TTC21B: variants seen among roughly 807,000 people sequenced by gnomAD.
TTC21B encodes the protein tetratricopeptide repeat domain 21B.
TTC21B carries 127 observed loss-of-function variants against 175.1 expected under a neutral mutation model. The observed-to-expected ratio is 0.73, with a 90% CI of 0.63 to 0.84. TTC21B has a LOEUF of 0.84. TTC21B is among the 40% of genes least tolerant of loss of function. The pLI is 0.00. For missense variants in TTC21B, 1,561 were observed against 1,558.3 expected (o/e 1.00, Z -0.03); for synonymous variants, 524 against 524.5 (o/e 1.00, Z 0.01).
rs1685169149 is a variant in TTC21B, at chr2:165,890,956, G to C, written c.2983C>G (p.Leu995Val). 11 of 1,612,860 alleles carry C rather than the reference G, an allele frequency of 6.8e-6. No individual in the cohort carries two copies. The highest frequency in any genetic ancestry group is 9.3e-6 in the Non-Finnish European group (11 of 1,179,188). Reference protein sequence around the residue: ...NYMTLSRLIDLLRRCGKLEDV... With the variant: ...NYMTLSRLIDVLRRCGKLEDV... Reference sequence around the variant, plus strand: ...TCGAGTTTTCCACATCTTCTTAGGAGATCAATCAAACGAGATAATGTCATA... The same window carrying C: ...TCGAGTTTTCCACATCTTCTTAGGACATCAATCAAACGAGATAATGTCATA... The change falls in exon 23 of 29, where the codon CTC becomes GTC. Residue 995 changes from leucine (L) to valine (V), a missense_variant. Transcript: ENST00000243344.
At position 165,915,216 on chromosome 2, in the gene TTC21B, T is replaced by G; in HGVS notation, c.2123A>C (p.Tyr708Ser). 6.2e-7 allele frequency: 1 copy of G among 1,612,308 alleles called. No individual in the cohort carries two copies. Among genetic ancestry groups the G allele is most frequent in the South Asian group, 1.1e-5 (1 of 91,032 alleles). The change falls in exon 15 of 29, where the codon TAT (tyrosine) becomes TCT (serine). Residue 708 changes from tyrosine (Y) to serine (S), a missense_variant. Physicochemically the swap from Tyr to Ser is moderately radical, Grantham distance 144 (BLOSUM62 -2). Transcript: ENST00000243344. ...YLKHRKDKML[Y>S]ITCFREIAER... ...AATTACTTACCTAAAACAAGTGATA[T>G]ATAACATTTTATCTTTTCTGTGCTT...
chr2:165,900,833 A>C (rs1424026116), intron 20 of TTC21B, among the ~76,000 whole-genome samples: 2 of 152,002 alleles, frequency 1.3e-5, no homozygotes, highest in Non-Finnish European at 2.9e-5. Flanking sequence ...ATATTAAAAC[A>C]ATTTGCAGGT....
At chr2:165,930,111 A>T (rs1355559076) in intron 9 of TTC21B, 61 bp downstream of exon 9, 1 of 1,496,880 alleles carries the variant, frequency 6.7e-7, no homozygotes, top group East Asian at 2.3e-5. Flanking sequence ...TCTAATGGCA[A>T]GTTAAAAGCA....
rs1559078793 is a variant in TTC21B, at chr2:165,949,629, G to C, written c.117C>G (p.Phe39Leu). 2.5e-6 allele frequency: 4 copies of C among 1,613,516 alleles called. No homozygotes were observed. The highest frequency in any genetic ancestry group is 3.4e-6 in the Non-Finnish European group (4 of 1,179,870). Residue 39 changes from phenylalanine (F) to leucine (L), a missense_variant, in exon 2 of 29, where the codon TTC (phenylalanine) becomes TTG (leucine). By Grantham distance (22) the Phe-to-Leu change is conservative (BLOSUM62 0). Coordinates refer to ENST00000243344, the MANE Select transcript of TTC21B (RefSeq NM_024753.5). ...ATGTGCCATAGGCATGATAAAACCTGAAGACTGGATCACTTCCATACCTCT... is the reference window on the plus strand; with the variant it reads ...ATGTGCCATAGGCATGATAAAACCTCAAGACTGGATCACTTCCATACCTCT... Reference protein sequence around the residue: ...GIKRYGSDPVFRFYHAYGTLM... With the variant: ...GIKRYGSDPVLRFYHAYGTLM...
In TTC21B at chr2:165,927,330, TA is replaced by T. The variant is rs1224044561; in HGVS notation, c.1386+1804del. On this transcript the variant is annotated intron_variant, in intron 11 of 28. Transcript: ENST00000243344. Reference sequence around the variant, plus strand: ...TATTATATATTATATAATATATATATAATATATAATATATATATAATATATT... The same window carrying T: ...TATTATATATTATATAATATATATATATATATAATATATATATAATATATT... Among the ~76,000 whole-genome samples, 75 of 90,116 alleles carry T rather than the reference TA, an allele frequency of 8.3e-4. 5 individuals are homozygous for T. Among genetic ancestry groups the T allele is most frequent in the Non-Finnish European group, 8.1e-4 (35 of 43,088 alleles). 59.1% of individuals were successfully genotyped at this position (90,116 alleles called of 152,430 possible).
chr2:165,913,603 G>A lies in TTC21B; in HGVS notation c.2182C>T (p.Leu728Phe). 1 of 1,612,880 alleles carries A rather than the reference G, an allele frequency of 6.2e-7. No individual in the cohort carries two copies. The highest frequency in any genetic ancestry group is 1.1e-5 in the South Asian group (1 of 91,030). The part of the protein sequence containing the change: ...RMANPRSFLL[L>F]GDAYMNILEP... ...AGAATATTCATGTATGCATCACCAAGGAGAAGAAAAGACCGAGGGTTAGCC... is the reference window on the plus strand; with the variant it reads ...AGAATATTCATGTATGCATCACCAAAGAGAAGAAAAGACCGAGGGTTAGCC... The change falls in exon 16 of 29, where the codon CTT becomes TTT. Residue 728 changes from leucine to phenylalanine, a missense_variant. Coordinates refer to ENST00000243344, the MANE Select transcript of TTC21B (RefSeq NM_024753.5).
At position 165,899,781 on chromosome 2, in the gene TTC21B, C is replaced by T. The variant is rs1220895913; in HGVS notation, c.2857G>A (p.Ala953Thr). The T allele has an allele frequency of 6.2e-7, 1 of 1,611,242 alleles. No homozygotes were observed. Among genetic ancestry groups the T allele is most frequent in the Admixed American group, 1.7e-5 (1 of 60,022 alleles). ...LLLQSDQDNE[A>T]ATMMMADLMF... ...TTCCTTGGACTGACCATGGTAGCAG[C>T]TTCGTTATCCTGGTCACTCTGAAGC... The change falls in exon 21 of 29, where the codon GCT becomes ACT. Residue 953 changes from alanine to threonine, a missense_variant. Ala to Thr is a moderately conservative substitution (Grantham distance 58). Transcript: ENST00000243344.
At chr2:165,878,305 C>T (rs980167684) in intron 27 of TTC21B, among the ~76,000 whole-genome samples, 2 of 152,124 alleles carry the variant, frequency 1.3e-5, no homozygotes, top group African/African-American at 4.8e-5. Context: ...TGCAGCTGCA[C>T]TACACCTGCC....
chr2:165,899,290 G>C (rs546765126), intron 21 of TTC21B, among the ~76,000 whole-genome samples: 6 of 152,214 alleles, frequency 3.9e-5, no homozygotes, highest in Admixed American at 2.6e-4. Context: ...CTGTGTAGCT[G>C]TCTGCAAAGC....
chr2:165,940,731 A>T (rs1687332623), intron 6 of TTC21B, among the ~76,000 whole-genome samples: 1 of 152,094 alleles, frequency 6.6e-6, no homozygotes, highest in South Asian at 2.1e-4. Context: ...TACACAATAT[A>T]CTTATTTGGT....
intron 15 of TTC21B, among the ~76,000 whole-genome samples, chr2:165,913,880 C>T (rs1686048780): frequency 6.6e-6 from 1 of 152,092 alleles, no homozygotes; most frequent in African/African-American, 2.4e-5. Context: ...ATGCAGGTAA[C>T]TGAGTTCAGA....
chr2:165,894,845 C>A (rs1045044622), intron 22 of TTC21B, among the ~76,000 whole-genome samples: 1 of 152,134 alleles, frequency 6.6e-6, no homozygotes, highest in African/African-American at 2.4e-5. Flanking sequence ...ATAAAGAACA[C>A]AAATATGCAC....
intron 3 of TTC21B, among the ~76,000 whole-genome samples, chr2:165,946,228 G>C (rs1223682971): frequency 1.3e-5 from 2 of 151,570 alleles, no homozygotes; most frequent in East Asian, 1.9e-4. Flanking sequence ...AGTCCCAGCT[G>C]CTGGGGAGGC....
Position 165,898,218 on chromosome 2 carries a change from C to T in TTC21B, c.2950+468G>A, listed in dbSNP as rs189281798. The stretch of plus-strand genomic sequence containing the variant: ...GAGAGAGAACTGTAAGAGTGAAGCC[C>T]TTTTTTAGGTGAGAAGCTGGCCACA... On this transcript the variant is annotated intron_variant, in intron 22 of 28. Coordinates refer to ENST00000243344, the MANE Select transcript of TTC21B (RefSeq NM_024753.5). Among the ~76,000 whole-genome samples, 5 of 152,090 alleles carry T rather than the reference C, an allele frequency of 3.3e-5. No individual in the cohort carries two copies. The East Asian group carries it at 9.7e-4, about 29-fold the overall frequency.
chr2:165,938,658 C>A (rs1473992867), intron 6 of TTC21B, among the ~76,000 whole-genome samples: 1 of 151,630 alleles, frequency 6.6e-6, no homozygotes, highest in African/African-American at 2.4e-5. Context: ...ACACTGGTTT[C>A]TTCACTTAAA....
chr2:165,919,422 C>G lies in TTC21B; in HGVS notation c.1528G>C (p.Ala510Pro), dbSNP rs200505317. The G allele has an allele frequency of 3.7e-5, 60 of 1,613,776 alleles. No homozygotes were observed. Among genetic ancestry groups the G allele is most frequent in the Admixed American group, 2.0e-4 (12 of 59,988 alleles). The change falls in exon 13 of 29, where the codon GCA becomes CCA. Residue 510 changes from alanine to proline, a missense_variant. Physicochemically the swap from Ala to Pro is conservative, Grantham distance 27. Coordinates refer to ENST00000243344, the MANE Select transcript of TTC21B (RefSeq NM_024753.5). Reference sequence around the variant, plus strand: ...CAGTGCTGAAGGTTATTGAAAGCTGCTTCAATATCACCTAATAAGAAAAAC... The same window carrying G: ...CAGTGCTGAAGGTTATTGAAAGCTGGTTCAATATCACCTAATAAGAAAAAC... ...KVKYLSGDIE[A>P]AFNNLQHCLE...
rs1488176811 is a variant in TTC21B, at chr2:165,901,689, A to G, written c.2757+33T>C. The G allele has an allele frequency of 5.1e-6, 8 of 1,582,824 alleles. No individual in the cohort carries two copies. The East Asian group carries it at 1.6e-4, about 31-fold the overall frequency. On this transcript the variant is annotated intron_variant, in intron 20 of 28. Coordinates refer to ENST00000243344, the MANE Select transcript of TTC21B (RefSeq NM_024753.5). ...GAGGAAATTAGAAGACATCTGGAAT[A>G]AAAGGTATTTAAAATTTTATAAAGG...
intron 12 of TTC21B, among the ~76,000 whole-genome samples, chr2:165,922,047 G>T (rs962686264): frequency 3.3e-5 from 5 of 151,448 alleles, no homozygotes; most frequent in African/African-American, 4.9e-5. Flanking sequence ...CTTAAAAATG[G>T]GATTAATATA....
chr2:165,882,850 A>G (rs1684880879), intron 26 of TTC21B, among the ~76,000 whole-genome samples: 1 of 151,834 alleles, frequency 6.6e-6, no homozygotes, highest in Non-Finnish European at 1.5e-5. Context: ...GACTAGATAT[A>G]GAAGGGTAAA....
Sources: allele counts gnomAD v4.1 joint callset (sites outside exome capture counted in the v4.1 genomes callset), GRCh38; gene constraint gnomAD v4.1.1; transcripts MANE v1.5; gene names NCBI Gene and HGNC (gene_info 2026-07-23, HGNC 2026-07-21).